The following LDB2 variants were observed in gnomAD, a reference collection of about 807,000 sequenced individuals.
LDB2 encodes the protein LIM domain binding 2.
In LDB2, 12 loss-of-function variants were observed where a neutral mutation model predicts 44.3. The observed-to-expected ratio is 0.27, with a 90% CI of 0.17 to 0.44. LDB2 has a LOEUF of 0.44. Among genes scored for constraint, LDB2 ranks in the 20% least tolerant of loss-of-function variants. The pLI is 1.00. For synonymous variants in LDB2, 164 were observed against 174.8 expected (o/e 0.94, Z 0.49); for missense variants, 344 against 473.5 (o/e 0.73, Z 2.54).
At chr4:16,672,175 T>C (rs1744950963) in intron 2 of LDB2, among the ~76,000 whole-genome samples, 1 of 152,188 alleles carries the variant, frequency 6.6e-6, no homozygotes. Context: ...CCCATTTTCA[T>C]TGCTGAGAAA....
At chr4:16,757,118 G>A (rs1321704454) in intron 2 of LDB2, among the ~76,000 whole-genome samples, 2 of 152,182 alleles carry the variant, frequency 1.3e-5, no homozygotes, top group Admixed American at 6.5e-5. Context: ...CCTGGACCTC[G>A]AACGGGTTAA....
chr4:16,794,405 T>G (rs1053286059), intron 1 of LDB2, among the ~76,000 whole-genome samples: 1 of 152,226 alleles, frequency 6.6e-6, no homozygotes, highest in Non-Finnish European at 1.5e-5. Context: ...ACCTTCAATC[T>G]GTGCAACAGA....
chr4:16,522,124 C>G (rs1726332757), intron 5 of LDB2, among the ~76,000 whole-genome samples: 1 of 144,284 alleles, frequency 6.9e-6, no homozygotes, highest in Non-Finnish European at 1.6e-5. Context: ...AGGTATTTAC[C>G]TAGGTTCTGG....
chr4:16,539,141 T>C (rs759952341), intron 5 of LDB2, among the ~76,000 whole-genome samples: 2 of 152,148 alleles, frequency 1.3e-5, no homozygotes, highest in Non-Finnish European at 2.9e-5. Context: ...TGTCCTACAA[T>C]TGGGGATCAA....
intron 2 of LDB2, among the ~76,000 whole-genome samples, chr4:16,647,331 A>T (rs1259445052): frequency 6.6e-6 from 1 of 152,190 alleles, no homozygotes; most frequent in Non-Finnish European, 1.5e-5. Context: ...AGAGTGATGA[A>T]AATGTTCTAA....
chr4:16,860,705 AC>A (rs1712239825), intron 1 of LDB2, among the ~76,000 whole-genome samples: 1 of 152,228 alleles, frequency 6.6e-6, no homozygotes, highest in South Asian at 2.1e-4. Context: ...TTCAATGAAC[AC>A]TTGCTTCATG....
chr4:16,825,224 C>T (rs193241469), intron 1 of LDB2, among the ~76,000 whole-genome samples: 7 of 152,228 alleles, frequency 4.6e-5, no homozygotes, highest in Admixed American at 4.6e-4. Flanking sequence ...TAAACAGCTC[C>T]AATTATTCCT....
intron 1 of LDB2, among the ~76,000 whole-genome samples, chr4:16,861,684 A>ATC (rs1435684371): frequency 6.6e-6 from 1 of 152,186 alleles, no homozygotes; most frequent in East Asian, 1.9e-4. Flanking sequence ...GGGCTGCAGA[A>ATC]TCTCAAATAT....
At chr4:16,795,046 C>G (rs894992777) in intron 1 of LDB2, among the ~76,000 whole-genome samples, 10 of 152,094 alleles carry the variant, frequency 6.6e-5, no homozygotes, top group Admixed American at 6.6e-4. Flanking sequence ...GTAGAGGGCG[C>G]TAGGAGCGGG....
chr4:16,601,462 GA>G (rs765091705), intron 2 of LDB2, among the ~76,000 whole-genome samples: 3 of 152,150 alleles, frequency 2.0e-5, no homozygotes, highest in Non-Finnish European at 4.4e-5. Flanking sequence ...TGTGGAGTAA[GA>G]GGAAAATTTG....
At chr4:16,883,016 G>T (rs1315270619) in intron 1 of LDB2, among the ~76,000 whole-genome samples, 1 of 152,068 alleles carries the variant, frequency 6.6e-6, no homozygotes, top group Admixed American at 6.5e-5. Flanking sequence ...ATTTTATGAG[G>T]ACGGAAAAAA....
intron 2 of LDB2, among the ~76,000 whole-genome samples, chr4:16,613,497 A>G (rs933344270): frequency 5.9e-5 from 9 of 152,200 alleles, no homozygotes; most frequent in Non-Finnish European, 1.3e-4. Context: ...AATGCCTACT[A>G]TGCATTTATA....
rs188632161 is a variant in LDB2, at chr4:16,697,231, T to C, written c.235+61927A>G. Among the ~76,000 whole-genome samples, 633 of 149,586 alleles carry C rather than the reference T, an allele frequency of 4.2e-3. 4 individuals are homozygous for C. Among genetic ancestry groups the C allele is most frequent in the African/African-American group, 0.015 (598 of 40,484 alleles). ...CGAGATCAGGAGATCGAGACCATCC[T>C]GGCTAACACGGTGAAACCCCGTCTC... On this transcript the variant is annotated intron_variant, in intron 2 of 7. Coordinates refer to ENST00000304523, the MANE Select transcript of LDB2 (RefSeq NM_001290.5).
In LDB2 at chr4:16,647,940, C is replaced by T. The variant is rs544532472; in HGVS notation, c.236-52065G>A. Among the ~76,000 whole-genome samples, 4 of 152,268 alleles carry T rather than the reference C, an allele frequency of 2.6e-5. No homozygotes were observed. In the South Asian group the frequency reaches 8.3e-4, roughly 32 times the overall value. On this transcript the variant is annotated intron_variant, in intron 2 of 7. Coordinates refer to ENST00000304523, the MANE Select transcript of LDB2 (RefSeq NM_001290.5). The stretch of plus-strand genomic sequence containing the variant: ...CCTTACAGGCTTATTCAGCTTTCTC[C>T]TATGCTAACCTACACTCTGAATATA...
At chr4:16,607,191 C>T (rs113820815) in intron 2 of LDB2, among the ~76,000 whole-genome samples, 2 of 152,206 alleles carry the variant, frequency 1.3e-5, no homozygotes, top group Admixed American at 1.3e-4. Context: ...AACTGGCTCT[C>T]CCCCACACCC....
intron 1 of LDB2, among the ~76,000 whole-genome samples, chr4:16,875,206 C>T (rs1408434085): frequency 6.6e-6 from 1 of 151,976 alleles, no homozygotes; most frequent in African/African-American, 2.4e-5. Context: ...CCAAAAAAGT[C>T]AATTAAGACT....
intron 2 of LDB2, among the ~76,000 whole-genome samples, chr4:16,664,311 C>T (rs1742420440): frequency 6.6e-6 from 1 of 152,154 alleles, no homozygotes; most frequent in East Asian, 1.9e-4. Flanking sequence ...TCTGCAGGTG[C>T]CTCGATCTTG....
intron 3 of LDB2, among the ~76,000 whole-genome samples, chr4:16,590,106 G>A (rs1181228791): frequency 6.6e-6 from 1 of 152,178 alleles, no homozygotes; most frequent in African/African-American, 2.4e-5. Context: ...TGTGCCACCT[G>A]AGACCTAGGG....
At chr4:16,780,719 T>A (rs961872244) in intron 1 of LDB2, among the ~76,000 whole-genome samples, 32 of 151,974 alleles carry the variant, frequency 2.1e-4, no homozygotes, top group African/African-American at 7.7e-4. Flanking sequence ...TATTTCAATT[T>A]TTTTTTTTTT....
Sources: allele counts gnomAD v4.1 joint callset (sites outside exome capture counted in the v4.1 genomes callset), GRCh38; gene constraint gnomAD v4.1.1; transcripts MANE v1.5; gene names NCBI Gene and HGNC (gene_info 2026-07-23, HGNC 2026-07-21).